Variants in FBXL17 observed in about 807,000 individuals in gnomAD.
FBXL17 encodes F-box/LRR-repeat protein 17.
A neutral mutation model predicts 66.2 loss-of-function variants in FBXL17; 22 were observed. The observed-to-expected ratio is 0.33, with a 90% confidence interval of 0.24 to 0.47. FBXL17 has a LOEUF of 0.47. FBXL17 is among the 20% of genes least tolerant of loss of function. The probability of loss-of-function intolerance (pLI) is 1.00; values close to 1 mark genes in which losing one functional copy is unlikely to be tolerated. For missense variants in FBXL17, 878 were observed against 948.2 expected (o/e 0.93, Z 0.97); for synonymous variants, 474 against 400.5 (o/e 1.18, Z -2.19).
Position 108,116,483 on chromosome 5 carries a change from CA to C in FBXL17, c.1745+69633del, listed in dbSNP as rs34773737. Among the ~76,000 whole-genome samples the C allele has an allele frequency of 6.8e-3, 919 of 134,528 alleles. 1 individual carries two copies. Among genetic ancestry groups the C allele is most frequent in the Middle Eastern group, 0.016 (4 of 256 alleles). The allele number at this position is 134,528 out of a possible 152,430, so 88.3% of individuals were successfully genotyped here. ...TGAAACCCTGTCTCTACTAAAAATACAAAAAAAAAAAAAAATTAGCTGGGCG... is the reference window on the plus strand; with the variant it reads ...TGAAACCCTGTCTCTACTAAAAATACAAAAAAAAAAAAAATTAGCTGGGCG... On this transcript the variant is annotated intron_variant, in intron 6 of 8. Coordinates refer to ENST00000542267, the MANE Select transcript of FBXL17 (RefSeq NM_001163315.3).
Position 108,381,666 on chromosome 5 carries a change from G to A in FBXL17, c.26C>T (p.Pro9Leu), listed in dbSNP as rs1749958090. MGHLLSKE[P>L]RNRPSQKRPR... ...CCTCTTCTGGCTCGGGCGGTTACGC[G>A]GCTCCTTCGAGAGAAGGTGGCCCAT... The change falls in exon 1 of 9, where the codon CCG becomes CTG. Residue 9 changes from proline (P) to leucine (L), a missense_variant. Pro to Leu is a moderately conservative substitution (Grantham distance 98). Coordinates refer to ENST00000542267, the MANE Select transcript of FBXL17 (RefSeq NM_001163315.3). 1.4e-6 allele frequency: 2 copies of A among 1,473,552 alleles called. No homozygotes were observed. The highest frequency in any genetic ancestry group is 1.8e-6 in the Non-Finnish European group (2 of 1,116,346). 91.3% of individuals were successfully genotyped at this position (1,473,552 alleles called of 1,614,324 possible). A position where few individuals can be genotyped will look rare whatever the true frequency, so the allele number is the denominator to read the frequency against.
chr5:108,236,037 A>G (rs1580667548), intron 4 of FBXL17, among the ~76,000 whole-genome samples: 2 of 152,224 alleles, frequency 1.3e-5, no homozygotes, highest in Non-Finnish European at 1.5e-5. Flanking sequence ...TGATTCTTCA[A>G]TATGTCTGAA....
intron 6 of FBXL17, among the ~76,000 whole-genome samples, chr5:108,125,701 C>T (rs1750671200): frequency 6.6e-6 from 1 of 151,954 alleles, no homozygotes; most frequent in South Asian, 2.1e-4. Context: ...TTGATATTTA[C>T]ATATACTCTT....
At chr5:108,210,202 T>G (rs965746907) in intron 5 of FBXL17, among the ~76,000 whole-genome samples, 1 of 152,196 alleles carries the variant, frequency 6.6e-6, no homozygotes, top group Non-Finnish European at 1.5e-5. Flanking sequence ...CCTTCTCTCT[T>G]TTTTCTTTAT....
intron 4 of FBXL17, among the ~76,000 whole-genome samples, chr5:108,261,928 A>G (rs1337875295): frequency 6.6e-6 from 1 of 152,014 alleles, no homozygotes; most frequent in East Asian, 1.9e-4. Flanking sequence ...AAGACCAAAC[A>G]TATTAATAAA....
At chr5:108,055,854 A>G (rs1486980716) in intron 6 of FBXL17, among the ~76,000 whole-genome samples, 1 of 152,040 alleles carries the variant, frequency 6.6e-6, no homozygotes, top group Admixed American at 6.6e-5. Flanking sequence ...GTAAAAGAAA[A>G]AAGAAAAAAA....
intron 6 of FBXL17, among the ~76,000 whole-genome samples, chr5:108,049,219 T>C (rs1026094814): frequency 6.6e-6 from 1 of 151,914 alleles, no homozygotes; most frequent in Non-Finnish European, 1.5e-5. Flanking sequence ...CTCGACTCAC[T>C]GCAACCTCTG....
At chr5:107,907,560 A>G (rs995759267) in intron 7 of FBXL17, among the ~76,000 whole-genome samples, 19 of 152,306 alleles carry the variant, frequency 1.2e-4, no homozygotes, top group Admixed American at 2.6e-4. Flanking sequence ...CAAAGGGCTA[A>G]TATCCAGAAT....
intron 4 of FBXL17, among the ~76,000 whole-genome samples, chr5:108,296,564 G>A (rs1758357856): frequency 6.6e-6 from 1 of 151,758 alleles, no homozygotes; most frequent in African/African-American, 2.4e-5. Flanking sequence ...ATTAATGTAT[G>A]AGGGTTAAGA....
chr5:108,258,375 T>C (rs1228262621), intron 4 of FBXL17, among the ~76,000 whole-genome samples: 1 of 152,276 alleles, frequency 6.6e-6, no homozygotes, highest in East Asian at 1.9e-4. Flanking sequence ...GGTATTTCAT[T>C]ATGGCAGCCT....
intron 6 of FBXL17, among the ~76,000 whole-genome samples, chr5:108,116,276 T>C (rs1750243968): frequency 6.6e-6 from 1 of 151,908 alleles, no homozygotes. Flanking sequence ...TCAAGTTAGG[T>C]AGTTACGAGG....
In FBXL17 at chr5:108,118,203, C is replaced by T. The variant is rs757936877; in HGVS notation, c.1745+67914G>A. On this transcript the variant is annotated intron_variant, in intron 6 of 8. Coordinates refer to ENST00000542267, the MANE Select transcript of FBXL17 (RefSeq NM_001163315.3). Reference sequence around the variant, plus strand: ...TAAGATTTTCACTATAACCTATATCCTGGATGACTCCAAAATCCTTATCTC... The same window carrying T: ...TAAGATTTTCACTATAACCTATATCTTGGATGACTCCAAAATCCTTATCTC... 8.4e-4 allele frequency among the ~76,000 whole-genome samples: 128 copies of T among 152,286 alleles called. 1 individual carries two copies. The highest frequency in any genetic ancestry group is 1.0e-3 in the Admixed American group (16 of 15,290).
intron 6 of FBXL17, among the ~76,000 whole-genome samples, chr5:108,034,998 A>T (rs1350403944): frequency 6.6e-6 from 1 of 152,182 alleles, no homozygotes; most frequent in Admixed American, 6.5e-5. Context: ...CCCTTCCCCC[A>T]ATAAACATTA....
chr5:108,147,080 G>T (rs1256931288), intron 6 of FBXL17, among the ~76,000 whole-genome samples: 2 of 152,090 alleles, frequency 1.3e-5, no homozygotes, highest in African/African-American at 4.8e-5. Context: ...TTTTAAAAGG[G>T]CACTCTGCCC....
At chr5:108,324,891 T>A (rs2150225946) in intron 4 of FBXL17, among the ~76,000 whole-genome samples, 2 of 152,042 alleles carry the variant, frequency 1.3e-5, no homozygotes, top group South Asian at 2.1e-4. Flanking sequence ...GAAAAGGCAA[T>A]GCTGTGTGAT....
intron 6 of FBXL17, among the ~76,000 whole-genome samples, chr5:108,179,479 G>C (rs1752919648): frequency 6.6e-6 from 1 of 152,062 alleles, no homozygotes; most frequent in African/African-American, 2.4e-5. Flanking sequence ...ATAGTATTAA[G>C]ATTTTTTCTT....
intron 1 of FBXL17, among the ~76,000 whole-genome samples, chr5:108,375,068 A>G (rs1194978480): frequency 6.6e-6 from 1 of 152,146 alleles, no homozygotes; most frequent in Non-Finnish European, 1.5e-5. Context: ...CTTTAAAATG[A>G]TGAGGCCGAG....
chr5:107,971,357 G>A (rs1752366793), intron 7 of FBXL17, among the ~76,000 whole-genome samples: 1 of 152,134 alleles, frequency 6.6e-6, no homozygotes, highest in African/African-American at 2.4e-5. Flanking sequence ...ATAACCTTCT[G>A]ATGCCAACTT....
intron 4 of FBXL17, among the ~76,000 whole-genome samples, chr5:108,329,893 G>A (rs746165921): frequency 6.6e-6 from 1 of 151,974 alleles, no homozygotes; most frequent in Non-Finnish European, 1.5e-5. Context: ...GTCTTCCCCA[G>A]CAAGCACTTA....
Sources: gnomAD v4.1 joint callset for allele counts (sites outside exome capture counted in the v4.1 genomes callset) on GRCh38, gnomAD v4.1.1 for gene constraint, MANE v1.5 for transcripts, NCBI Gene and HGNC (gene_info 2026-07-23, HGNC 2026-07-21) for gene names.